The following NEB variants were observed in gnomAD, a reference collection of about 807,000 sequenced individuals.
NEB encodes the protein nebulin, also known as nemaline myopathy type 2.
In NEB, 512 loss-of-function variants were observed where a neutral mutation model predicts 952.2. That is an observed-to-expected ratio of 0.54 (90% CI 0.50 to 0.58). The LOEUF (loss-of-function observed/expected upper bound fraction) is 0.58, where lower values mean the gene tolerates loss of function less well. Ranked by LOEUF, NEB falls within the 20% of genes least tolerant of loss-of-function variation. The pLI is 0.00. For missense variants in NEB, 8,428 were observed against 9,231.1 expected (o/e 0.91, Z 3.56); for synonymous variants, 2,900 against 3,149.8 (o/e 0.92, Z 2.66).
intron 17 of NEB, 57 bp downstream of exon 17, chr2:151,696,580 G>A: frequency 7.7e-7 from 1 of 1,292,830 alleles, no homozygotes; most frequent in African/African-American, 1.5e-5. Context: ...TTTATGTATA[G>A]AGTTATGAAA....
chr2:151,627,404 A>T (rs896342539), intron 69 of NEB, 119 bp downstream of exon 69: 3 of 1,473,060 alleles, frequency 2.0e-6, no homozygotes, highest in African/African-American at 1.4e-5. Context: ...TGCCTAAAAA[A>T]TGAGCAGAGA....
At chr2:151,556,884 T>G (rs917834860) in intron 124 of NEB, among the ~76,000 whole-genome samples, 1 of 152,122 alleles carries the variant, frequency 6.6e-6, no homozygotes, top group Non-Finnish European at 1.5e-5. Context: ...GAGGGAAATT[T>G]ATAGCACTAG....
Position 151,681,699 on chromosome 2 carries a change from G to A in NEB, c.2944-871C>T, listed in dbSNP as rs544840737. Among the ~76,000 whole-genome samples the A allele has an allele frequency of 2.6e-5, 4 of 152,250 alleles. No homozygotes were observed. In the South Asian group the frequency reaches 8.3e-4, roughly 32 times the overall value. ...CTTTGTGTAGTCTGCCCTCCTTGAG[G>A]ATGTACTCACCTGACAGCAGTGAGA... On this transcript the variant is annotated intron_variant, in intron 29 of 181. Transcript: ENST00000397345.
At chr2:151,674,409 T>A in intron 36 of NEB, 68 bp downstream of exon 36, 1 of 1,206,688 alleles carries the variant, frequency 8.3e-7, no homozygotes, top group Non-Finnish European at 1.2e-6. Flanking sequence ...AAGGTATCAA[T>A]TTAAACAAGC....
chr2:151,511,802 G>A (rs1427503869), intron 161 of NEB, among the ~76,000 whole-genome samples: 1 of 152,192 alleles, frequency 6.6e-6, no homozygotes, highest in Admixed American at 6.5e-5. Flanking sequence ...GGGTTAGACT[G>A]TGTGGTCTCA....
At position 151,688,327 on chromosome 2, in the gene NEB, T is replaced by C. The variant is rs867760348; in HGVS notation, c.2380A>G (p.Ile794Val). 1 of 1,613,904 alleles carries C rather than the reference T, an allele frequency of 6.2e-7. No homozygotes were observed. The highest frequency in any genetic ancestry group is 8.5e-7 in the Non-Finnish European group (1 of 1,179,798). Residue 794 changes from isoleucine (I) to valine (V), a missense_variant, in exon 25 of 182, where the codon ATC becomes GTC. Ile to Val is a conservative substitution (Grantham distance 29). This residue lies in a region of NEB where 2,851 missense variants were observed against 2,791.5 expected (regional missense o/e 1.02). Coordinates refer to ENST00000397345, the MANE Select transcript of NEB (RefSeq NM_001164508.2). ...TTATAGGCATTGACTCTGTGTTGGA[T>C]AAACTGTGGAGCATCTGCTGGTATA... Reference protein sequence around the residue: ...CHIPADAPQFIQHRVNAYNLS... With the variant: ...CHIPADAPQFVQHRVNAYNLS...
intron 120 of NEB, 81 bp from the exon 121 acceptor site, chr2:151,562,295 T>G: frequency 1.6e-6 from 2 of 1,215,324 alleles, no homozygotes; most frequent in Non-Finnish European, 2.4e-6. Flanking sequence ...TATCAGCTGT[T>G]GGCTGTGCTT....
Position 151,650,810 on chromosome 2 carries a change from G to A in NEB, c.6991C>T (p.Leu2331Phe), listed in dbSNP as rs772674961. 3.1e-6 allele frequency: 5 copies of A among 1,613,778 alleles called. No homozygotes were observed. In the Admixed American group the frequency reaches 5.0e-5, roughly 16 times the overall value. The change falls in exon 53 of 182, where the codon CTT (leucine) becomes TTT (phenylalanine). Residue 2331 changes from leucine (L) to phenylalanine (F), a missense_variant. Around this residue, in one of 11 missense-constraint regions of NEB, gnomAD observed 1,772 missense variants for 1,960.3 expected, o/e 0.90. Transcript: ENST00000397345. Reference protein sequence around the residue: ...GFRSLQDDPKLVLSMNVAKMQ... With the variant: ...GFRSLQDDPKFVLSMNVAKMQ... ...TTGGCTACATTCATGGACAACACAA[G>A]TTTTGGGTCATCTTGCAGACTCCGG...
chr2:151,513,633 T>C lies in NEB; in HGVS notation c.23188A>G (p.Asn7730Asp). The change falls in exon 160 of 182, where the codon AAT becomes GAT. Residue 7730 changes from asparagine (N) to aspartate (D), a missense_variant. By Grantham distance (23) the Asn-to-Asp change is conservative. Coordinates refer to ENST00000397345, the MANE Select transcript of NEB (RefSeq NM_001164508.2). ...GCCCTCATAAAATCCGGAGTTTCATTGGCCATGGCATTCAGGCCTCTTCCT... is the reference window on the plus strand; with the variant it reads ...GCCCTCATAAAATCCGGAGTTTCATCGGCCATGGCATTCAGGCCTCTTCCT... ...VKGRGLNAMA[N>D]ETPDFMRARN... 1 of 1,610,778 alleles carries C rather than the reference T, an allele frequency of 6.2e-7. No individual in the cohort carries two copies.
At chr2:151,721,655 C>A (rs541725812) in intron 9 of NEB, among the ~76,000 whole-genome samples, 35 of 152,206 alleles carry the variant, frequency 2.3e-4, no homozygotes, top group African/African-American at 8.4e-4. Context: ...ATTATAAATT[C>A]TAAGAGGAAA....
At position 151,658,091 on chromosome 2, in the gene NEB, C is replaced by A. The variant is rs1553469502; in HGVS notation, c.6076-1G>T. On this transcript the variant is annotated splice_acceptor_variant, in intron 47 of 181. Transcript: ENST00000397345. LOFTEE classifies it high-confidence loss of function. ...CTTCCAAGGAAAGTTTGTAGAGTTT[C>A]TGTAAAGAGAGGCAAAGGGAAGAGT... The A allele has an allele frequency of 1.3e-6, 2 of 1,576,320 alleles. No individual in the cohort carries two copies. The highest frequency in any genetic ancestry group is 2.7e-5 in the African/African-American group (2 of 74,116).
At chr2:151,715,271 A>G (rs1423865525) in intron 10 of NEB, among the ~76,000 whole-genome samples, 2 of 152,272 alleles carry the variant, frequency 1.3e-5, no homozygotes, top group Non-Finnish European at 2.9e-5. Context: ...TGAACCCAGT[A>G]GATCTGAAAA....
intron 168 of NEB, 23 bp from the exon 169 acceptor site, chr2:151,499,413 C>G (rs1196124740): frequency 2.2e-6 from 3 of 1,395,260 alleles, no homozygotes; most frequent in South Asian, 1.2e-5. Flanking sequence ...AGAAAGCATC[C>G]AGAAAAAACA....
intron 35 of NEB, among the ~76,000 whole-genome samples, 192 bp downstream of exon 35, chr2:151,675,095 A>T (rs1264773763): frequency 6.6e-6 from 1 of 152,204 alleles, no homozygotes; most frequent in Non-Finnish European, 1.5e-5. Context: ...GAAGAATGTT[A>T]TGTCCTTTAA....
intron 38 of NEB, 95 bp downstream of exon 38, chr2:151,670,928 A>C: frequency 7.8e-7 from 1 of 1,283,242 alleles, no homozygotes; most frequent in Non-Finnish European, 1.1e-6. Context: ...GCTAACATAG[A>C]TGCATCCTCA....
intron 146 of NEB, 79 bp downstream of exon 146, chr2:151,529,131 A>C: frequency 1.1e-6 from 1 of 918,258 alleles, no homozygotes; most frequent in Non-Finnish European, 1.8e-6. Flanking sequence ...AATTGCCTGA[A>C]GAGATGTAAA....
Position 151,560,950 on chromosome 2 carries a change from C to T in NEB, c.19206+54G>A. Reference sequence around the variant, plus strand: ...TCCATCCCATTTATTCTCTTACTGTCCCAGAAGGGGGAAAGGTGGCTCATA... The same window carrying T: ...TCCATCCCATTTATTCTCTTACTGTTCCAGAAGGGGGAAAGGTGGCTCATA... On this transcript the variant is annotated intron_variant, in intron 123 of 181. Transcript: ENST00000397345. 9.0e-6 allele frequency: 10 copies of T among 1,114,784 alleles called. No individual in the cohort carries two copies. In the South Asian group the frequency reaches 1.5e-4, roughly 16 times the overall value. 69.1% of individuals were successfully genotyped at this position (1,114,784 alleles called of 1,614,324 possible).
chr2:151,633,616 T>C, intron 65 of NEB, 38 bp downstream of exon 65: 1 of 1,567,304 alleles, frequency 6.4e-7, no homozygotes. Context: ...GTTTAAATTA[T>C]TTCTATGCAC....
chr2:151,684,075 G>C (rs1383893330), intron 28 of NEB, among the ~76,000 whole-genome samples: 2 of 152,166 alleles, frequency 1.3e-5, no homozygotes, highest in East Asian at 3.8e-4. Flanking sequence ...GAAGGAAAAT[G>C]GGAGTTGCTG....
Sources: gnomAD v4.1 joint callset for allele counts (sites outside exome capture counted in the v4.1 genomes callset) on GRCh38, gnomAD v4.1.1 for gene constraint, gnomAD v4.1.1 regional missense constraint, MANE v1.5 for transcripts, NCBI Gene and HGNC (gene_info 2026-07-23, HGNC 2026-07-21) for gene names.